ASTN1: variants seen among roughly 807,000 people sequenced by gnomAD.
ASTN1 encodes astrotactin 1, also known as astrotactin-1.
Under a neutral mutation model 140.7 loss-of-function variants are expected in ASTN1, and 41 were observed. That is an observed-to-expected ratio of 0.29 (90% CI 0.23 to 0.38). The LOEUF (loss-of-function observed/expected upper bound fraction) is 0.38, where lower values mean the gene tolerates loss of function less well. Ranked by LOEUF, ASTN1 falls within the 10% of genes least tolerant of loss-of-function variation. The probability of loss-of-function intolerance (pLI) is 1.00; values close to 1 mark genes in which losing one functional copy is unlikely to be tolerated. For synonymous variants in ASTN1, 640 were observed against 652.2 expected (o/e 0.98, Z 0.29); for missense variants, 1,479 against 1,678.8 (o/e 0.88, Z 2.08).
chr1:176,871,631 T>G (rs1011707542), intron 21 of ASTN1, among the ~76,000 whole-genome samples: 1 of 152,120 alleles, frequency 6.6e-6, no homozygotes, highest in Non-Finnish European at 1.5e-5. Context: ...AGAGCCCACA[T>G]CAGTAAGTCA....
intron 16 of ASTN1, among the ~76,000 whole-genome samples, chr1:176,922,806 T>G (rs1479390602): frequency 6.6e-6 from 1 of 152,172 alleles, no homozygotes; most frequent in African/African-American, 2.4e-5. Context: ...AGGGCAAGTT[T>G]TACTAACATC....
intron 2 of ASTN1, among the ~76,000 whole-genome samples, chr1:177,044,176 T>TAC (rs3979531): frequency 0.11 from 15,128 of 143,146 alleles, 848 homozygotes; most frequent in South Asian, 0.15. Context: ...AAAAAAAAAA[T>TAC]ACACACACAC....
chr1:177,068,864 G>A (rs556849854), intron 1 of ASTN1, among the ~76,000 whole-genome samples: 10 of 141,414 alleles, frequency 7.1e-5, no homozygotes, highest in Admixed American at 3.7e-4. Context: ...CCAGTGCCCC[G>A]CTGGAGTGCA....
rs888492135 is a variant in ASTN1 at position 176,862,086 on chromosome 1, G to T, written c.*2198C>A. On this transcript the variant is annotated 3_prime_UTR_variant, in exon 23 of 23. Coordinates refer to ENST00000361833, the MANE Select transcript of ASTN1 (RefSeq NM_004319.3). Reference sequence around the variant, plus strand: ...CAGTAGCAGCAAAGAGATGCTCTGGGCCCTGTCTGATTGGCCTGTCACATC... The same window carrying T: ...CAGTAGCAGCAAAGAGATGCTCTGGTCCCTGTCTGATTGGCCTGTCACATC... 3 of 985,424 alleles carry T rather than the reference G, an allele frequency of 3.0e-6. No individual in the cohort carries two copies. Among genetic ancestry groups the T allele is most frequent in the Non-Finnish European group, 1.2e-6 (1 of 829,936 alleles). 61.0% of individuals were successfully genotyped at this position (985,424 alleles called of 1,614,324 possible). A position where few individuals can be genotyped will look rare whatever the true frequency, so the allele number is the denominator to read the frequency against.
intron 20 of ASTN1, among the ~76,000 whole-genome samples, chr1:176,877,645 C>T (rs181408480): frequency 2.0e-5 from 3 of 152,342 alleles, no homozygotes; most frequent in Admixed American, 6.5e-5. Flanking sequence ...CTGAACACAA[C>T]CATGGCAATC....
intron 2 of ASTN1, among the ~76,000 whole-genome samples, chr1:177,045,182 T>C (rs1335268074): frequency 1.3e-5 from 2 of 152,198 alleles, no homozygotes; most frequent in Non-Finnish European, 2.9e-5. Context: ...CAATTCCTAA[T>C]GCATATGTGG....
At chr1:177,044,150 T>C (rs999056351) in intron 2 of ASTN1, among the ~76,000 whole-genome samples, 1 of 150,022 alleles carries the variant, frequency 6.7e-6, no homozygotes, top group Non-Finnish European at 1.5e-5. Context: ...CTTCCCATCA[T>C]TAATTTTAAG....
intron 9 of ASTN1, among the ~76,000 whole-genome samples, chr1:176,963,225 T>A (rs976767563): frequency 7.2e-5 from 11 of 152,006 alleles, no homozygotes; most frequent in Admixed American, 7.2e-4. Flanking sequence ...TATTTCAGAG[T>A]CCAGAGAGAT....
intron 8 of ASTN1, among the ~76,000 whole-genome samples, chr1:177,010,503 T>C (rs147928695): frequency 4.7e-4 from 72 of 152,340 alleles, no homozygotes; most frequent in Middle Eastern, 3.4e-3. Flanking sequence ...TAGAAATCTG[T>C]CATCTGTGAC....
intron 22 of ASTN1, 98 bp downstream of exon 22, chr1:176,868,745 TC>T: frequency 7.6e-7 from 1 of 1,313,646 alleles, no homozygotes; most frequent in Non-Finnish European, 1.0e-6. Context: ...CCTAAGCTCA[TC>T]CAGGAAATCT....
intron 8 of ASTN1, among the ~76,000 whole-genome samples, chr1:176,994,225 G>T (rs1404419181): frequency 6.6e-6 from 1 of 151,854 alleles, no homozygotes; most frequent in East Asian, 1.9e-4. Flanking sequence ...TTGCTGTAAG[G>T]CCTGTTTATA....
Position 176,861,183 on chromosome 1 carries a change from C to A in ASTN1, c.*3101G>T. The A allele has an allele frequency of 2.1e-6, 2 of 962,118 alleles. No individual in the cohort carries two copies. The highest frequency in any genetic ancestry group is 2.5e-6 in the Non-Finnish European group (2 of 808,530). 59.6% of individuals were successfully genotyped at this position (962,118 alleles called of 1,614,324 possible). A position where few individuals can be genotyped will look rare whatever the true frequency, so the allele number is the denominator to read the frequency against. ...TGAAGATGGTCATATTATATTCTTTCTTCCTTCTGCAGTAGTAAAGTGTTT... is the reference window on the plus strand; with the variant it reads ...TGAAGATGGTCATATTATATTCTTTATTCCTTCTGCAGTAGTAAAGTGTTT... On this transcript the variant is annotated 3_prime_UTR_variant, in exon 23 of 23. Coordinates refer to ENST00000361833, the MANE Select transcript of ASTN1 (RefSeq NM_004319.3).
chr1:176,904,503 G>A lies in ASTN1; in HGVS notation c.2672-9673C>T, dbSNP rs543738690. Among the ~76,000 whole-genome samples, 3 of 151,738 alleles carry A rather than the reference G, an allele frequency of 2.0e-5. No individual in the cohort carries two copies. In the South Asian group the frequency reaches 6.3e-4, roughly 32 times the overall value. Reference sequence around the variant, plus strand: ...GGGGAGAGGACGACACTGAGAGAGAGGCGAAAATGAGGAACACCTGCGGGA... The same window carrying A: ...GGGGAGAGGACGACACTGAGAGAGAAGCGAAAATGAGGAACACCTGCGGGA... On this transcript the variant is annotated intron_variant, in intron 16 of 22. Coordinates refer to ENST00000361833, the MANE Select transcript of ASTN1 (RefSeq NM_004319.3).
chr1:177,094,544 C>G (rs1173432719), intron 1 of ASTN1, among the ~76,000 whole-genome samples: 1 of 152,164 alleles, frequency 6.6e-6, no homozygotes. Context: ...CCAACTTACC[C>G]AACACCAAAT....
chr1:176,902,343 T>C (rs1353785611), intron 16 of ASTN1, among the ~76,000 whole-genome samples: 1 of 152,234 alleles, frequency 6.6e-6, no homozygotes, highest in Non-Finnish European at 1.5e-5. Flanking sequence ...GATGGTTTTA[T>C]TCATCAATTA....
chr1:176,942,273 C>G (rs1671750400), intron 14 of ASTN1, among the ~76,000 whole-genome samples: 1 of 152,068 alleles, frequency 6.6e-6, no homozygotes, highest in Admixed American at 6.6e-5. Flanking sequence ...CCCATTTTTA[C>G]AGGTACAAGA....
intron 1 of ASTN1, among the ~76,000 whole-genome samples, chr1:177,126,437 G>A (rs530081579): frequency 7.7e-4 from 118 of 152,272 alleles, no homozygotes; most frequent in African/African-American, 2.7e-3. Flanking sequence ...AATGAAATGC[G>A]ATACTCTAGG....
intron 14 of ASTN1, among the ~76,000 whole-genome samples, chr1:176,939,396 C>T (rs7548300): frequency 0.055 from 8,375 of 152,188 alleles, 737 homozygotes; most frequent in African/African-American, 0.19. Context: ...GCCAAACAAC[C>T]GAACTCCATT....
chr1:177,041,878 A>G (rs1252697565), intron 2 of ASTN1, among the ~76,000 whole-genome samples: 1 of 152,216 alleles, frequency 6.6e-6, no homozygotes, highest in Non-Finnish European at 1.5e-5. Flanking sequence ...ATAGCTCCAT[A>G]GGTAGCAACT....
Sources: gnomAD v4.1 joint callset for allele counts (sites outside exome capture counted in the v4.1 genomes callset) on GRCh38, gnomAD v4.1.1 for gene constraint, MANE v1.5 for transcripts, NCBI Gene and HGNC (gene_info 2026-07-23, HGNC 2026-07-21) for gene names.